DOCK1: variants seen among roughly 807,000 people sequenced by gnomAD.
The protein encoded by DOCK1 is dedicator of cytokinesis protein 1.
In DOCK1, 138 loss-of-function variants were observed where a neutral mutation model predicts 262.7. The observed-to-expected ratio is 0.53, with a 90% CI of 0.46 to 0.61. DOCK1 has a LOEUF of 0.61. DOCK1 is among the 20% of genes least tolerant of loss of function. The pLI is 0.00. For missense variants in DOCK1, 1,908 were observed against 2,370.7 expected, an observed-to-expected ratio of 0.80 and a Z score of 4.05; for synonymous variants, 866 against 867.4, an observed-to-expected ratio of 1.00 and a Z score of 0.03.
At chr10:127,428,796 A>ATGTGGATTGGGGTGCCG (rs1304338635) in intron 47 of DOCK1, among the ~76,000 whole-genome samples, 33 of 103,492 alleles carry the variant, frequency 3.2e-4, no homozygotes, top group African/African-American at 1.2e-3. Context: ...GGACTGTGTC[A>ATGTGGATTGGGGTGCCG]TGTGGATTGG....
chr10:127,297,030 G>A (rs1001799361), intron 29 of DOCK1, among the ~76,000 whole-genome samples: 7 of 152,160 alleles, frequency 4.6e-5, no homozygotes, highest in South Asian at 2.1e-4. Flanking sequence ...AGCACAGAGC[G>A]TGGGGCAGCT....
intron 33 of DOCK1, among the ~76,000 whole-genome samples, chr10:127,362,455 G>T (rs1357694800): frequency 2.6e-5 from 4 of 152,108 alleles, no homozygotes; most frequent in Non-Finnish European, 5.9e-5. Flanking sequence ...TTTAATCTGG[G>T]TTTACTTACA....
intron 35 of DOCK1, among the ~76,000 whole-genome samples, chr10:127,375,454 C>G (rs2065436469): frequency 6.6e-6 from 1 of 152,258 alleles, no homozygotes; most frequent in Non-Finnish European, 1.5e-5. Flanking sequence ...ATACATAGTC[C>G]TCACTGCCAC....
rs1192092030 is a variant in DOCK1, at chr10:127,118,676, T to C, written c.2624-6798T>C. Among the ~76,000 whole-genome samples the C allele has an allele frequency of 2.0e-5, 3 of 152,204 alleles. No individual in the cohort carries two copies. The East Asian group carries it at 5.8e-4, about 29-fold the overall frequency. ...TCATTTCAAATTCCATGATACTGAATACCTCAAGAGTGAAGTGCAGATTAC... is the reference window on the plus strand; with the variant it reads ...TCATTTCAAATTCCATGATACTGAACACCTCAAGAGTGAAGTGCAGATTAC... On this transcript the variant is annotated intron_variant, in intron 25 of 51. Transcript: ENST00000623213.
chr10:126,998,351 T>TG (rs1280728217), intron 8 of DOCK1, 102 bp downstream of exon 8: 13 of 1,481,374 alleles, frequency 8.8e-6, no homozygotes, highest in Admixed American at 1.8e-5. Flanking sequence ...AGGCCTTGGA[T>TG]GAATGGCTGC....
At chr10:127,249,408 T>TATACACAC (rs111361547) in intron 28 of DOCK1, among the ~76,000 whole-genome samples, 148,860 of 151,360 alleles carry the variant, frequency 0.98, 73,250 homozygotes, top group Non-Finnish European at 1. Flanking sequence ...TATATACATA[T>TATACACAC]ATATATACAT....
Position 127,032,013 on chromosome 10 carries a change from G to T in DOCK1, c.1729-124G>T, listed in dbSNP as rs977237516. On this transcript the variant is annotated intron_variant, in intron 17 of 51. Transcript: ENST00000623213. ...CAGTAATAAGGGAAATTATTAAAAT[G>T]TGTATTTAATATGATACAAAGCAAT... The T allele has an allele frequency of 3.3e-6, 4 of 1,212,452 alleles. No individual in the cohort carries two copies. The African/African-American group carries it at 4.6e-5, about 14-fold the overall frequency. 75.1% of individuals were successfully genotyped at this position (1,212,452 alleles called of 1,614,324 possible). A position where few individuals can be genotyped will look rare whatever the true frequency, so the allele number is the denominator to read the frequency against.
intron 6 of DOCK1, 92 bp downstream of exon 6, chr10:126,990,695 A>G (rs2039727860): frequency 7.0e-7 from 1 of 1,421,114 alleles, no homozygotes. Context: ...ATATTTTATC[A>G]TAAAACAAAA....
At chr10:127,097,414 TTTTG>T (rs377240406) in intron 23 of DOCK1, among the ~76,000 whole-genome samples, 140 of 152,318 alleles carry the variant, frequency 9.2e-4, no homozygotes, top group African/African-American at 3.3e-3. Context: ...TTCTCTCTGA[TTTTG>T]TTTGTGTTAT....
At chr10:127,327,290 G>C (rs1320217673) in intron 29 of DOCK1, among the ~76,000 whole-genome samples, 2 of 152,220 alleles carry the variant, frequency 1.3e-5, no homozygotes, top group Non-Finnish European at 1.5e-5. Flanking sequence ...TTGAAAGTCT[G>C]CTTTTTAGTG....
intron 23 of DOCK1, among the ~76,000 whole-genome samples, chr10:127,077,109 C>T (rs181323038): frequency 7.9e-5 from 12 of 152,160 alleles, no homozygotes; most frequent in South Asian, 6.2e-4. Context: ...GTTCTTACTA[C>T]GAGGGCCGAG....
chr10:127,275,552 G>T (rs1334060554), intron 29 of DOCK1, among the ~76,000 whole-genome samples: 1 of 152,142 alleles, frequency 6.6e-6, no homozygotes, highest in Non-Finnish European at 1.5e-5. Flanking sequence ...GGAATTTGCT[G>T]TTGATTTAGG....
intron 33 of DOCK1, among the ~76,000 whole-genome samples, chr10:127,362,839 A>ACACATGCACCTCCCCC (rs2064572622): frequency 1.3e-4 from 1 of 7,508 alleles, no homozygotes. Context: ...CCACACATAC[A>ACACATGCACCTCCCCC]CACACACACA....
rs966484638 is a variant in DOCK1, at chr10:126,962,304, C to T, written c.47-8398C>T. Among the ~76,000 whole-genome samples, 62 of 152,322 alleles carry T rather than the reference C, an allele frequency of 4.1e-4. No homozygotes were observed. In the East Asian group the frequency reaches 0.012, roughly 29 times the overall value. On this transcript the variant is annotated intron_variant, in intron 1 of 51. Coordinates refer to ENST00000623213, the MANE Select transcript of DOCK1 (RefSeq NM_001290223.2). Reference sequence around the variant, plus strand: ...CCTCCCAAGTAGCTGGAACTCCAGGCGCGTGCCGCCATGCCCGACTAATTT... The same window carrying T: ...CCTCCCAAGTAGCTGGAACTCCAGGTGCGTGCCGCCATGCCCGACTAATTT...
At chr10:126,978,792 T>A (rs2038738208) in intron 3 of DOCK1, among the ~76,000 whole-genome samples, 1 of 152,200 alleles carries the variant, frequency 6.6e-6, no homozygotes, top group South Asian at 2.1e-4. Context: ...ATCTCCTTAT[T>A]GGGCTGGACT....
chr10:127,210,655 A>G (rs1330711312), intron 27 of DOCK1, among the ~76,000 whole-genome samples: 1 of 152,140 alleles, frequency 6.6e-6, no homozygotes, highest in Non-Finnish European at 1.5e-5. Flanking sequence ...CATGGACTGC[A>G]TGGGTGCCAG....
intron 27 of DOCK1, among the ~76,000 whole-genome samples, chr10:127,178,076 G>A (rs1417300693): frequency 6.6e-6 from 1 of 152,140 alleles, no homozygotes; most frequent in Non-Finnish European, 1.5e-5. Flanking sequence ...GAGGTGCACG[G>A]TGGTTCCATA....
chr10:127,214,173 A>T (rs2058101648), intron 27 of DOCK1, among the ~76,000 whole-genome samples: 1 of 152,066 alleles, frequency 6.6e-6, no homozygotes, highest in Non-Finnish European at 1.5e-5. Flanking sequence ...ATCAAAACAG[A>T]TCATTCATAC....
In DOCK1 at chr10:127,023,321, A is replaced by C. The variant is rs2042578906; in HGVS notation, c.1449A>C (p.Leu483Phe). The C allele has an allele frequency of 6.2e-7, 1 of 1,613,738 alleles. No individual in the cohort carries two copies. The highest frequency in any genetic ancestry group is 1.7e-5 in the Admixed American group (1 of 59,976). Residue 483 changes from leucine (L) to phenylalanine (F), a missense_variant, in exon 14 of 52, where the codon TTA becomes TTC. By Grantham distance (22) the Leu-to-Phe change is conservative. Around this residue, in one of 9 missense-constraint regions of DOCK1, gnomAD observed 294 missense variants for 439.9 expected, o/e 0.67. Transcript: ENST00000623213. ...TGTACGATGAGGATGGGAAACGATT[A>C]GAGGTATTTATTGTGGCGAGGGCTC... ...VSVYDEDGKR[L>F]EHVIFPGAGD...
Sources: allele counts gnomAD v4.1 joint callset (sites outside exome capture counted in the v4.1 genomes callset), GRCh38; gene constraint gnomAD v4.1.1; regional missense constraint gnomAD v4.1.1; transcripts MANE v1.5; gene names NCBI Gene and HGNC (gene_info 2026-07-23, HGNC 2026-07-21).